Variants in BRINP1 observed in about 807,000 individuals in gnomAD.
BRINP1 encodes the protein BMP/retinoic acid-inducible neural-specific protein 1.
A neutral mutation model predicts 72.9 loss-of-function variants in BRINP1; 17 were observed. The observed-to-expected ratio is 0.23, with a 90% CI of 0.16 to 0.35. The LOEUF (loss-of-function observed/expected upper bound fraction) is 0.35. Ranked by LOEUF, BRINP1 falls within the 10% of genes least tolerant of loss-of-function variation. The pLI is 1.00. For missense variants in BRINP1, 850 were observed against 1,001.6 expected (o/e 0.85, Z 2.04); for synonymous variants, 418 against 378.5 (o/e 1.10, Z -1.21).
At chr9:119,247,152 G>A (rs1393621887) in intron 3 of BRINP1, among the ~76,000 whole-genome samples, 1 of 152,186 alleles carries the variant, frequency 6.6e-6, no homozygotes, top group Admixed American at 6.5e-5. Context: ...AGGGGGTGAT[G>A]TCCAAAGAAA....
chr9:119,302,033 A>G (rs1004024622), intron 2 of BRINP1, among the ~76,000 whole-genome samples: 13 of 152,226 alleles, frequency 8.5e-5, no homozygotes, highest in Admixed American at 8.5e-4. Context: ...ATTAGGATGT[A>G]GTTCACAAAT....
chr9:119,281,539 CAT>C (rs1830712063), intron 2 of BRINP1, among the ~76,000 whole-genome samples: 1 of 152,216 alleles, frequency 6.6e-6, no homozygotes, highest in East Asian at 1.9e-4. Flanking sequence ...TCTATGGTAT[CAT>C]AGGATTCTCT....
chr9:119,207,236 T>C (rs1829867884), intron 7 of BRINP1, among the ~76,000 whole-genome samples: 1 of 152,194 alleles, frequency 6.6e-6, no homozygotes, highest in Non-Finnish European at 1.5e-5. Flanking sequence ...GTGCACCTCA[T>C]CGGGGTAATT....
intron 2 of BRINP1, among the ~76,000 whole-genome samples, chr9:119,257,852 G>C (rs958924910): frequency 3.3e-5 from 5 of 152,130 alleles, no homozygotes; most frequent in African/African-American, 1.2e-4. Flanking sequence ...ATCTTAACGA[G>C]AGGGTGTCAG....
intron 7 of BRINP1, among the ~76,000 whole-genome samples, chr9:119,188,957 G>A (rs866326438): frequency 6.6e-5 from 10 of 152,072 alleles, no homozygotes; most frequent in Non-Finnish European, 1.0e-4. Flanking sequence ...AAAGTTAAAA[G>A]TTAAAATGAC....
At chr9:119,171,766 A>T (rs1829413239) in intron 7 of BRINP1, among the ~76,000 whole-genome samples, 1 of 117,908 alleles carries the variant, frequency 8.5e-6, no homozygotes, top group Non-Finnish European at 1.7e-5. Context: ...AAAGAACAGA[A>T]ATTATAACAA....
chr9:119,258,235 G>A (rs1830464066), intron 2 of BRINP1, among the ~76,000 whole-genome samples: 1 of 152,192 alleles, frequency 6.6e-6, no homozygotes, highest in Non-Finnish European at 1.5e-5. Context: ...ATAACCTAAG[G>A]GGAGCACACT....
intron 1 of BRINP1, among the ~76,000 whole-genome samples, chr9:119,331,107 T>C (rs1831296321): frequency 6.6e-6 from 1 of 152,190 alleles, no homozygotes; most frequent in South Asian, 2.1e-4. Context: ...CATTCAGTTC[T>C]TGTAGTGTGA....
intron 2 of BRINP1, among the ~76,000 whole-genome samples, chr9:119,300,350 TA>T (rs1830927067): frequency 6.6e-6 from 1 of 152,118 alleles, no homozygotes; most frequent in South Asian, 2.1e-4. Context: ...ATTGTACATG[TA>T]AAAATAACAA....
intron 5 of BRINP1, among the ~76,000 whole-genome samples, chr9:119,231,828 C>G (rs1038223566): frequency 1.3e-5 from 2 of 152,060 alleles, no homozygotes; most frequent in African/African-American, 4.8e-5. Context: ...ATCATCGCAA[C>G]TTTTAACATT....
At chr9:119,184,006 G>C (rs1016268408) in intron 7 of BRINP1, among the ~76,000 whole-genome samples, 3 of 151,958 alleles carry the variant, frequency 2.0e-5, no homozygotes, top group African/African-American at 7.3e-5. Flanking sequence ...GAAATTATAA[G>C]ACTTATGTCT....
At chr9:119,359,093 C>A (rs1037971369) in intron 1 of BRINP1, among the ~76,000 whole-genome samples, 1 of 152,194 alleles carries the variant, frequency 6.6e-6, no homozygotes, top group African/African-American at 2.4e-5. Context: ...AAGGCAGTAA[C>A]AGTTAATGTT....
intron 7 of BRINP1, among the ~76,000 whole-genome samples, chr9:119,198,288 C>G (rs777103751): frequency 3.9e-5 from 6 of 152,178 alleles, no homozygotes; most frequent in Non-Finnish European, 7.3e-5. Context: ...CAATTTCGTC[C>G]AACAAAGAGC....
intron 7 of BRINP1, among the ~76,000 whole-genome samples, chr9:119,175,089 C>A (rs1588154342): frequency 8.1e-6 from 1 of 123,330 alleles, no homozygotes; most frequent in Non-Finnish European, 1.6e-5. Flanking sequence ...GCACAATGTG[C>A]ACATGTACCC....
chr9:119,211,266 C>T (rs1829924148), intron 6 of BRINP1, among the ~76,000 whole-genome samples: 1 of 152,068 alleles, frequency 6.6e-6, no homozygotes, highest in Admixed American at 6.6e-5. Flanking sequence ...GGCACTATCT[C>T]AGCTCACTGC....
chr9:119,340,679 G>A (rs78746253), intron 1 of BRINP1, among the ~76,000 whole-genome samples: 2,394 of 152,222 alleles, frequency 0.016, 73 homozygotes, highest in African/African-American at 0.054. Flanking sequence ...TCATTTTTAC[G>A]TCATTGAGTT....
intron 1 of BRINP1, among the ~76,000 whole-genome samples, chr9:119,336,150 T>G (rs998858932): frequency 6.6e-6 from 1 of 152,192 alleles, no homozygotes; most frequent in African/African-American, 2.4e-5. Flanking sequence ...TTCCTTCAAG[T>G]GCTCTGGAAT....
intron 1 of BRINP1, among the ~76,000 whole-genome samples, chr9:119,360,336 T>C (rs962293545): frequency 1.7e-4 from 26 of 152,260 alleles, no homozygotes; most frequent in African/African-American, 6.3e-4. Context: ...CAGATGTTTT[T>C]GTCGTCCCAG....
Position 119,167,467 on chromosome 9 carries a change from G to T in BRINP1, c.1903C>A (p.Gln635Lys). 6.2e-7 allele frequency: 1 copy of T among 1,614,112 alleles called. No individual in the cohort carries two copies. Among genetic ancestry groups the T allele is most frequent in the East Asian group, 2.2e-5 (1 of 44,868 alleles). The change falls in exon 8 of 8, where the codon CAG becomes AAG. Residue 635 changes from glutamine (Q) to lysine (K), a missense_variant. Physicochemically the swap from Gln to Lys is moderately conservative, Grantham distance 53. Coordinates refer to ENST00000265922, the MANE Select transcript of BRINP1 (RefSeq NM_014618.3). This position sits in a 1 kb window ranked among gnomAD's most constrained non-coding sequence, Gnocchi z 4.3. Reference protein sequence around the residue: ...LPTLLRNETGQGPVDLSDPSK... With the variant: ...LPTLLRNETGKGPVDLSDPSK... ...GGATCCGACAGGTCCACGGGGCCCT[G>T]GCCAGTCTCATTTCGCAGTAGGGTA... is the stretch of plus-strand genomic sequence containing the variant.
Sources: gnomAD v4.1 joint callset for allele counts (sites outside exome capture counted in the v4.1 genomes callset) on GRCh38, gnomAD v4.1.1 for gene constraint, Gnocchi (gnomAD v3.1) non-coding constraint, MANE v1.5 for transcripts, NCBI Gene and HGNC (gene_info 2026-07-23, HGNC 2026-07-21) for gene names.